AATK: variants seen among roughly 807,000 people sequenced by gnomAD.
AATK encodes lemur tail kinase 1.
A neutral mutation model predicts 114.3 loss-of-function variants in AATK; 91 were observed. That is an observed-to-expected ratio of 0.80 (90% CI 0.67 to 0.95). The LOEUF (loss-of-function observed/expected upper bound fraction) is 0.95, where lower values mean the gene tolerates loss of function less well. Among genes scored for constraint, AATK ranks in the 40% least tolerant of loss-of-function variants. The probability of loss-of-function intolerance (pLI) is 0.00; values close to 1 mark genes in which losing one functional copy is unlikely to be tolerated. For synonymous variants in AATK, 1,075 were observed against 916.5 expected (o/e 1.17, Z -3.12); for missense variants, 2,176 against 1,965.2 (o/e 1.11, Z -2.03).
chr17:81,132,823 C>A (rs2060953897), intron 2 of AATK: 1 of 229,548 alleles, frequency 4.4e-6, no homozygotes, highest in Non-Finnish European at 9.2e-6. Context: ...GGCAGGACTT[C>A]CCAGGGGCAC....
Position 81,118,202 on chromosome 17 carries a change from T to C in AATK, c.*200A>G, listed in dbSNP as rs1342216376. 1 of 592,330 alleles carries C rather than the reference T, an allele frequency of 1.7e-6. No homozygotes were observed. Among genetic ancestry groups the C allele is most frequent in the African/African-American group, 1.9e-5 (1 of 53,674 alleles). The allele number at this position is 592,330 out of a possible 1,614,324, so 36.7% of individuals were successfully genotyped here. A position where few individuals can be genotyped will look rare whatever the true frequency, so the allele number is the denominator to read the frequency against. ...TAAAAGCCCAGACGAATTCTGCCTC[T>C]GGGGCGGAGCATGGCCGATCTACCA... On this transcript the variant is annotated 3_prime_UTR_variant, in exon 14 of 14. Transcript: ENST00000326724.
At position 81,154,778 on chromosome 17, in the gene AATK, C is replaced by T. The variant is rs968276199; in HGVS notation, c.55+11160G>A. Among the ~76,000 whole-genome samples the T allele has an allele frequency of 7.4e-5, 10 of 134,296 alleles. 2 individuals are homozygous for T. Among genetic ancestry groups the T allele is most frequent in the African/African-American group, 3.3e-4 (10 of 30,558 alleles). The allele number at this position is 134,296 out of a possible 152,430, so 88.1% of individuals were successfully genotyped here. On this transcript the variant is annotated intron_variant, in intron 1 of 13. Coordinates refer to ENST00000326724, the MANE Select transcript of AATK (RefSeq NM_001080395.3). ...CCAAGTAGCTGGGATTACAGACTTG[C>T]GCCATCACACCCGGCTAATTTTTGT...
chr17:81,144,682 G>A (rs1378805330), intron 1 of AATK, among the ~76,000 whole-genome samples: 1 of 152,266 alleles, frequency 6.6e-6, no homozygotes, highest in Non-Finnish European at 1.5e-5. Flanking sequence ...ACACCGGAGA[G>A]TGTGGCAGAG....
chr17:81,149,436 C>A (rs561945547), intron 1 of AATK, among the ~76,000 whole-genome samples: 106 of 152,164 alleles, frequency 7.0e-4, no homozygotes, highest in Non-Finnish European at 1.2e-3. Context: ...ACACCCCAGC[C>A]CCCTGAGGAA....
chr17:81,121,140 C>T lies in AATK; in HGVS notation c.2796G>A (p.Pro932=), dbSNP rs567155976. The stretch of plus-strand genomic sequence containing the variant: ...TGTCATAGCCACTGTCCAGCGCTCG[C>T]GGCTGCCCTCCAGAGGGGCCAGTGG... The part of the protein sequence containing the change: ...PSATGPSGGQ[P]RALDSGYDTE... The change falls in exon 11 of 14, where the codon CCG becomes CCA. Residue 932 remains proline (P), a synonymous_variant. Transcript: ENST00000326724. The T allele has an allele frequency of 1.0e-4, 162 of 1,604,838 alleles. No individual in the cohort carries two copies. The highest frequency in any genetic ancestry group is 3.6e-4 in the South Asian group (32 of 89,640).
At chr17:81,145,925 C>A (rs931742534) in intron 1 of AATK, among the ~76,000 whole-genome samples, 1 of 152,140 alleles carries the variant, frequency 6.6e-6, no homozygotes, top group Non-Finnish European at 1.5e-5. Flanking sequence ...CGGTGGCTCA[C>A]ACCCACAATC....
chr17:81,155,398 TA>T (rs763249322), intron 1 of AATK, among the ~76,000 whole-genome samples: 1,674 of 142,804 alleles, frequency 0.012, 22 homozygotes, highest in Admixed American at 0.017. Flanking sequence ...TTATTATTAT[TA>T]TTTTTTGAGA....
Position 81,144,154 on chromosome 17 carries a change from G to A in AATK, c.56-9653C>T, listed in dbSNP as rs542109148. Among the ~76,000 whole-genome samples, 8 of 152,170 alleles carry A rather than the reference G, an allele frequency of 5.3e-5. No individual in the cohort carries two copies. In the East Asian group the frequency reaches 9.7e-4, roughly 18 times the overall value. On this transcript the variant is annotated intron_variant, in intron 1 of 13. Coordinates refer to ENST00000326724, the MANE Select transcript of AATK (RefSeq NM_001080395.3). ...GAACTTGGGGCTCACTCCCCTCCCC[G>A]AGGCAGCCTCTTTCACCTTTTGTGG...
intron 1 of AATK, among the ~76,000 whole-genome samples, chr17:81,154,577 C>T (rs9944410): frequency 0.026 from 2,861 of 110,704 alleles, 646 homozygotes; most frequent in African/African-American, 0.14. Flanking sequence ...CCTTGGCCTC[C>T]CAAAGTGCTG....
Position 81,166,104 on chromosome 17 carries a change from C to G in AATK, c.-112G>C, listed in dbSNP as rs1282738595. On this transcript the variant is annotated 5_prime_UTR_variant, in exon 1 of 14. Coordinates refer to ENST00000326724, the MANE Select transcript of AATK (RefSeq NM_001080395.3). ...CGGCCGCCGCAGGTGCGGAGCGCGCCGGCCCCCGCGCCCCGCGCCCCCCGC... is the reference window on the plus strand; with the variant it reads ...CGGCCGCCGCAGGTGCGGAGCGCGCGGGCCCCCGCGCCCCGCGCCCCCCGC... 3.5e-6 allele frequency: 2 copies of G among 571,892 alleles called. No homozygotes were observed. Among genetic ancestry groups the G allele is most frequent in the African/African-American group, 2.1e-5 (1 of 48,396 alleles). The allele number at this position is 571,892 out of a possible 1,614,324, so 35.4% of individuals were successfully genotyped here. A position where few individuals can be genotyped will look rare whatever the true frequency, so the allele number is the denominator to read the frequency against.
At chr17:81,143,919 C>G (rs1368865498) in intron 1 of AATK, among the ~76,000 whole-genome samples, 1 of 152,238 alleles carries the variant, frequency 6.6e-6, no homozygotes, top group Non-Finnish European at 1.5e-5. Context: ...TTCCAAGGCT[C>G]CCAGCCATTC....
At chr17:81,158,237 G>A (rs375107401) in intron 1 of AATK, among the ~76,000 whole-genome samples, 12 of 152,240 alleles carry the variant, frequency 7.9e-5, no homozygotes, top group African/African-American at 2.7e-4. Flanking sequence ...AGAGCAGGGC[G>A]GGGCCCAGCC....
chr17:81,159,103 T>C (rs2061400846), intron 1 of AATK, among the ~76,000 whole-genome samples: 1 of 151,920 alleles, frequency 6.6e-6, no homozygotes, highest in African/African-American at 2.4e-5. Context: ...GGGGCTTCTG[T>C]CAGGGGCAGG....
intron 1 of AATK, among the ~76,000 whole-genome samples, chr17:81,138,204 C>T (rs2061050678): frequency 6.6e-6 from 1 of 150,852 alleles, no homozygotes; most frequent in African/African-American, 2.4e-5. Flanking sequence ...CACACACACA[C>T]CCCCACATGC....
rs2060839885 is a variant in AATK at position 81,126,944 on chromosome 17, A to C, written c.622-384T>G. 1 of 725,540 alleles carries C rather than the reference A, an allele frequency of 1.4e-6. No individual in the cohort carries two copies. Among genetic ancestry groups the C allele is most frequent in the African/African-American group, 1.9e-5 (1 of 53,800 alleles). The allele number at this position is 725,540 out of a possible 1,614,324, so 44.9% of individuals were successfully genotyped here. A position where few individuals can be genotyped will look rare whatever the true frequency, so the allele number is the denominator to read the frequency against. Reference sequence around the variant, plus strand: ...CAGCCCCGGGACGGTCAACGTCAGGAGTCCAGACGCCAGTGTGTGAGGGCC... The same window carrying C: ...CAGCCCCGGGACGGTCAACGTCAGGCGTCCAGACGCCAGTGTGTGAGGGCC... On this transcript the variant is annotated intron_variant, in intron 6 of 13. Transcript: ENST00000326724. This position sits in a 1 kb window ranked among gnomAD's most constrained non-coding sequence, Gnocchi z 5.1.
chr17:81,141,000 A>G (rs115977021), intron 1 of AATK, among the ~76,000 whole-genome samples: 6,587 of 89,032 alleles, frequency 0.074, 168 homozygotes, highest in Middle Eastern at 0.13. Flanking sequence ...GTGGGGCCGT[A>G]AGCCGTGGGG....
chr17:81,141,955 T>C (rs144711999), intron 1 of AATK, among the ~76,000 whole-genome samples: 22 of 81,544 alleles, frequency 2.7e-4, no homozygotes, highest in East Asian at 2.9e-3. Flanking sequence ...TTCCTTCCTT[T>C]CCTTCCTTCC....
chr17:81,146,774 T>C (rs562965304), intron 1 of AATK, among the ~76,000 whole-genome samples: 1 of 151,852 alleles, frequency 6.6e-6, no homozygotes, highest in South Asian at 2.1e-4. Flanking sequence ...ATGTTCAGCC[T>C]TGATCATAAA....
At chr17:81,138,191 A>G (rs1320747258) in intron 1 of AATK, among the ~76,000 whole-genome samples, 7 of 147,534 alleles carry the variant, frequency 4.7e-5, no homozygotes, top group Non-Finnish European at 9.1e-5. Context: ...ACATGCGTGC[A>G]CACACACACA....
Sources: allele counts gnomAD v4.1 joint callset (sites outside exome capture counted in the v4.1 genomes callset), GRCh38; gene constraint gnomAD v4.1.1; non-coding constraint Gnocchi (gnomAD v3.1); transcripts MANE v1.5; gene names NCBI Gene and HGNC (gene_info 2026-07-23, HGNC 2026-07-21).